The following SLC9B2 variants were observed in gnomAD, a reference collection of about 807,000 sequenced individuals.
SLC9B2 encodes the protein solute carrier family 9 member B2.
In SLC9B2, 39 loss-of-function variants were observed where a neutral mutation model predicts 52.2. The observed-to-expected ratio is 0.75, with a 90% CI of 0.58 to 0.98. The LOEUF is 0.98. Ranked by LOEUF, SLC9B2 falls within the 50% of genes least tolerant of loss-of-function variation. The pLI, the probability that SLC9B2 is intolerant of heterozygous loss-of-function variation, is 0.00. For missense variants in SLC9B2, 626 were observed against 637.5 expected (o/e 0.98, Z 0.19); for synonymous variants, 214 against 227.0 (o/e 0.94, Z 0.51).
intron 2 of SLC9B2, 144 bp downstream of exon 2, chr4:103,067,317 C>T (rs932194201): frequency 6.2e-6 from 4 of 649,044 alleles, no homozygotes; most frequent in East Asian, 2.7e-5. Flanking sequence ...TTTCTAGTTA[C>T]AGGTAGGGTC....
rs766592306 is a variant in SLC9B2 at position 103,031,711 on chromosome 4, G to A, written c.1244C>T (p.Pro415Leu). ...GAEVSIASLRPETVGLCVATV... is the reference protein window; with the variant it reads ...GAEVSIASLRLETVGLCVATV... ...TTTGAAATTCTTACCTACAGTTTCT[G>A]GTCTGAGAGATGCAATAGATACCTC... The change falls in exon 10 of 12, where the codon CCA becomes CTA. Residue 415 changes from proline (P) to leucine (L), a missense_variant. Physicochemically the swap from Pro to Leu is moderately conservative, Grantham distance 98 (BLOSUM62 -3). Transcript: ENST00000394785. 3.1e-6 allele frequency: 5 copies of A among 1,611,892 alleles called. No individual in the cohort carries two copies. The highest frequency in any genetic ancestry group is 4.2e-6 in the Non-Finnish European group (5 of 1,178,694).
intron 10 of SLC9B2, among the ~76,000 whole-genome samples, chr4:103,029,347 AACAAACT>A (rs1742497755): frequency 6.6e-6 from 1 of 152,194 alleles, no homozygotes; most frequent in Admixed American, 6.6e-5. Context: ...GTGAGGTATA[AACAAACT>A]AAGGGCATAA....
intron 10 of SLC9B2, among the ~76,000 whole-genome samples, 185 bp from the exon 11 acceptor site, chr4:103,029,068 T>G (rs1742470799): frequency 6.6e-6 from 1 of 152,160 alleles, no homozygotes; most frequent in Admixed American, 6.6e-5. Context: ...GGCTATTTGT[T>G]TAAAATAAGG....
At chr4:103,054,508 A>G (rs1744955020) in intron 4 of SLC9B2, among the ~76,000 whole-genome samples, 1 of 152,212 alleles carries the variant, frequency 6.6e-6, no homozygotes, top group Admixed American at 6.5e-5. Flanking sequence ...AATGTTCTGT[A>G]AAGGGCCAAT....
At chr4:103,066,828 G>T (rs1414807306) in intron 2 of SLC9B2, among the ~76,000 whole-genome samples, 2 of 152,116 alleles carry the variant, frequency 1.3e-5, no homozygotes, top group African/African-American at 4.8e-5. Context: ...AAAGTCACAT[G>T]ACAGGTAACA....
chr4:103,054,598 A>G (rs1305035198), intron 4 of SLC9B2, among the ~76,000 whole-genome samples: 1 of 152,244 alleles, frequency 6.6e-6, no homozygotes, highest in African/African-American at 2.4e-5. Context: ...GGACATAGAC[A>G]ATATGTAAAT....
Position 103,022,647 on chromosome 4 carries a change from C to A in SLC9B2, c.*3723G>T, listed in dbSNP as rs1407788737. Among the ~76,000 whole-genome samples the A allele has an allele frequency of 6.6e-6, 1 of 152,142 alleles. No homozygotes were observed. Among genetic ancestry groups the A allele is most frequent in the Non-Finnish European group, 1.5e-5 (1 of 68,016 alleles). On this transcript the variant is annotated 3_prime_UTR_variant, in exon 12 of 12. Transcript: ENST00000394785. ...TTACCTGAGGAAATTTTGAGGACAT[C>A]AAGATCAATCAAGGTGATTGGGAGT...
chr4:103,062,367 C>T (rs113537288), intron 3 of SLC9B2, among the ~76,000 whole-genome samples: 3 of 150,010 alleles, frequency 2.0e-5, no homozygotes, highest in Non-Finnish European at 3.0e-5. Context: ...TGCAGTGAGC[C>T]GAGATCGAGC....
chr4:103,018,487 A>T (rs1283428705), downstream of SLC9B2, among the ~76,000 whole-genome samples: 1 of 152,176 alleles, frequency 6.6e-6, no homozygotes, highest in African/African-American at 2.4e-5. Flanking sequence ...TTGGGGCATG[A>T]ATTCTCTAGG....
intron 9 of SLC9B2, among the ~76,000 whole-genome samples, chr4:103,034,323 T>A (rs940212809): frequency 6.6e-6 from 1 of 151,430 alleles, no homozygotes; most frequent in Non-Finnish European, 1.5e-5. Flanking sequence ...AATGAAAGAC[T>A]TAAATGTAAA....
In SLC9B2 at chr4:103,057,389, G is replaced by C. The variant is rs1745245429; in HGVS notation, c.442+412C>G. Among the ~76,000 whole-genome samples the C allele has an allele frequency of 1.3e-5, 2 of 151,468 alleles. 1 individual carries two copies. Among genetic ancestry groups the C allele is most frequent in the South Asian group, 4.2e-4 (2 of 4,774 alleles). Reference sequence around the variant, plus strand: ...GTAATGGTGCAATCATGACAGCCTCGACCTCCTGGGTTCAGTCAATCCTCC... The same window carrying C: ...GTAATGGTGCAATCATGACAGCCTCCACCTCCTGGGTTCAGTCAATCCTCC... On this transcript the variant is annotated intron_variant, in intron 4 of 11. Transcript: ENST00000394785.
intron 2 of SLC9B2, 66 bp downstream of exon 2, chr4:103,067,395 T>G: frequency 1.4e-5 from 20 of 1,418,456 alleles, no homozygotes; most frequent in Non-Finnish European, 1.8e-5. Flanking sequence ...AGTTTGGGGA[T>G]AGGAGAATTG....
At chr4:103,058,018 G>A in intron 3 of SLC9B2, 47 bp from the exon 4 acceptor site, 1 of 1,509,480 alleles carries the variant, frequency 6.6e-7, no homozygotes, top group Non-Finnish European at 9.0e-7. Context: ...GTTGTCACAT[G>A]GAGGTTTTGA....
At chr4:103,039,960 C>T (rs1055482185) in intron 9 of SLC9B2, among the ~76,000 whole-genome samples, 1 of 151,966 alleles carries the variant, frequency 6.6e-6, no homozygotes, top group African/African-American at 2.4e-5. Flanking sequence ...ATGGTATATT[C>T]TTATCCTGGC....
rs1347738286 is a variant in SLC9B2 at position 103,024,384 on chromosome 4, C to G, written c.*1986G>C. Among the ~76,000 whole-genome samples, 1 of 152,178 alleles carries G rather than the reference C, an allele frequency of 6.6e-6. No homozygotes were observed. Among genetic ancestry groups the G allele is most frequent in the Non-Finnish European group, 1.5e-5 (1 of 68,024 alleles). On this transcript the variant is annotated 3_prime_UTR_variant, in exon 12 of 12. Coordinates refer to ENST00000394785, the MANE Select transcript of SLC9B2 (RefSeq NM_178833.7). ...TATCTGACCTTTGGTATAAATTAAT[C>G]AAGTCCAAATCAAGAGCATAAACAT...
chr4:103,045,759 G>T (rs942464343), intron 7 of SLC9B2, among the ~76,000 whole-genome samples: 10 of 152,154 alleles, frequency 6.6e-5, no homozygotes, highest in African/African-American at 2.2e-4. Flanking sequence ...CTCTAAAGCT[G>T]TGGTTCCTAT....
chr4:103,037,173 G>A (rs559561559), intron 9 of SLC9B2, among the ~76,000 whole-genome samples: 107 of 152,174 alleles, frequency 7.0e-4, no homozygotes, highest in African/African-American at 2.4e-3. Context: ...GGATAGGCTC[G>A]GGCTTATTAT....
intron 5 of SLC9B2, 97 bp from the exon 6 acceptor site, chr4:103,049,117 G>T: frequency 1.4e-6 from 2 of 1,381,740 alleles, no homozygotes; most frequent in South Asian, 1.6e-5. Flanking sequence ...ACCACGTCTG[G>T]GTCATCATGA....
At chr4:103,028,459 G>A (rs769980301) in intron 11 of SLC9B2, among the ~76,000 whole-genome samples, 10 of 151,980 alleles carry the variant, frequency 6.6e-5, no homozygotes, top group Non-Finnish European at 1.3e-4. Flanking sequence ...ACAGAGTGCC[G>A]ACTGATGAAA....
Sources: gnomAD v4.1 joint callset for allele counts (sites outside exome capture counted in the v4.1 genomes callset) on GRCh38, gnomAD v4.1.1 for gene constraint, MANE v1.5 for transcripts, NCBI Gene and HGNC (gene_info 2026-07-23, HGNC 2026-07-21) for gene names.